LHFPL3: variants seen among roughly 807,000 people sequenced by gnomAD.
The protein encoded by LHFPL3 is LHFPL tetraspan subfamily member 3.
In LHFPL3, 5 loss-of-function variants were observed where a neutral mutation model predicts 19.3. The ratio of observed to expected loss-of-function variants is 0.26; its 90% CI spans 0.14 to 0.54. The LOEUF is 0.54. Among genes scored for constraint, LHFPL3 ranks in the 20% least tolerant of loss-of-function variants. The pLI is 0.94. For synonymous variants in LHFPL3, 133 were observed against 126.2 expected, an observed-to-expected ratio of 1.05 and a Z score of -0.36; for missense variants, 249 against 307.4, an observed-to-expected ratio of 0.81 and a Z score of 1.42.
At chr7:104,430,961 A>G (rs1791991829) in intron 1 of LHFPL3, among the ~76,000 whole-genome samples, 1 of 152,156 alleles carries the variant, frequency 6.6e-6, no homozygotes, top group African/African-American at 2.4e-5. Context: ...TGAAATACAT[A>G]CAGACCAGAT....
At chr7:104,849,319 G>A (rs1791371024) in intron 2 of LHFPL3, among the ~76,000 whole-genome samples, 1 of 152,154 alleles carries the variant, frequency 6.6e-6, no homozygotes, top group African/African-American at 2.4e-5. Flanking sequence ...TTCATGTCTT[G>A]CCATAGAGGA....
chr7:104,748,933 C>T (rs567386574), intron 2 of LHFPL3, among the ~76,000 whole-genome samples: 58 of 152,316 alleles, frequency 3.8e-4, no homozygotes, highest in African/African-American at 1.1e-3. Context: ...TATTTATTTG[C>T]GCTGACTGAA....
At chr7:104,765,571 T>C (rs1794443788) in intron 2 of LHFPL3, among the ~76,000 whole-genome samples, 2 of 152,200 alleles carry the variant, frequency 1.3e-5, no homozygotes, top group African/African-American at 4.8e-5. Context: ...AAGAAAGCCA[T>C]TTCCCAAGAG....
chr7:104,810,676 G>A (rs1353615546), intron 2 of LHFPL3, among the ~76,000 whole-genome samples: 18 of 152,272 alleles, frequency 1.2e-4, no homozygotes, highest in Admixed American at 7.8e-4. Flanking sequence ...ATAAAAGGAG[G>A]TGTTATTAGT....
At chr7:104,866,940 C>T (rs1162413574) in intron 2 of LHFPL3, among the ~76,000 whole-genome samples, 1 of 152,130 alleles carries the variant, frequency 6.6e-6, no homozygotes, top group African/African-American at 2.4e-5. Flanking sequence ...AACTGCTCAA[C>T]TACATGGAAA....
chr7:104,487,382 G>A (rs1793256102), intron 1 of LHFPL3, among the ~76,000 whole-genome samples: 4 of 152,190 alleles, frequency 2.6e-5, no homozygotes, highest in Admixed American at 2.6e-4. Flanking sequence ...GTCTCAAGTG[G>A]CCAGAGCCTA....
At chr7:104,658,456 T>G (rs1792158618) in intron 1 of LHFPL3, among the ~76,000 whole-genome samples, 1 of 152,206 alleles carries the variant, frequency 6.6e-6, no homozygotes, top group Non-Finnish European at 1.5e-5. Context: ...TGCTCAGAAT[T>G]CCTATAGATT....
At chr7:104,390,819 A>G (rs1269162592) in intron 1 of LHFPL3, among the ~76,000 whole-genome samples, 2 of 152,130 alleles carry the variant, frequency 1.3e-5, no homozygotes, top group Non-Finnish European at 2.9e-5. Flanking sequence ...AAGTGTTCCT[A>G]TTTCTCCACA....
rs558037232 is a variant in LHFPL3 at position 104,461,234 on chromosome 7, G to A, written c.445+132010G>A. Among the ~76,000 whole-genome samples the A allele has an allele frequency of 1.5e-4, 23 of 152,296 alleles. 1 individual carries two copies. In the East Asian group the frequency reaches 3.5e-3, roughly 23 times the overall value. On this transcript the variant is annotated intron_variant, in intron 1 of 2. Coordinates refer to ENST00000424859, the MANE Select transcript of LHFPL3 (RefSeq NM_199000.3). ...AGATCTCCTGAGAACTCACTATTAC[G>A]AGAACCGTGTGGGGGAAACTGCCTC...
rs1791262491 is a variant in LHFPL3 at position 104,399,358 on chromosome 7, A to T, written c.445+70134A>T. ...TAAATGTAACTTTACTATTGCTCTG[A>T]TAATTTTTTTCCCATTTATCCTGTA... is the stretch of plus-strand genomic sequence containing the variant. On this transcript the variant is annotated intron_variant, in intron 1 of 2. Transcript: ENST00000424859. The surrounding 1 kb of genome is among the most constrained non-coding windows in gnomAD (Gnocchi z 4.4). 6.6e-6 allele frequency among the ~76,000 whole-genome samples: 1 copy of T among 152,202 alleles called. No homozygotes were observed. The highest frequency in any genetic ancestry group is 1.9e-4 in the East Asian group (1 of 5,188).
At chr7:104,338,968 C>T (rs1294008910) in intron 1 of LHFPL3, among the ~76,000 whole-genome samples, 3 of 152,160 alleles carry the variant, frequency 2.0e-5, no homozygotes, top group Non-Finnish European at 4.4e-5. Context: ...ATAATAATGG[C>T]CGGGCATGGT....
At position 104,899,564 on chromosome 7, in the gene LHFPL3, G is replaced by T. The variant is rs1417113327; in HGVS notation, c.683-6623G>T. ...TAGTCTTTCCCACACAGGAAGGAGA[G>T]GAAGCTTAAAGGAACATGTATGAAG... On this transcript the variant is annotated intron_variant, in intron 2 of 2. Transcript: ENST00000424859. 3.3e-5 allele frequency among the ~76,000 whole-genome samples: 5 copies of T among 152,078 alleles called. 1 individual carries two copies. The highest frequency in any genetic ancestry group is 5.9e-5 in the Non-Finnish European group (4 of 68,026).
intron 1 of LHFPL3, among the ~76,000 whole-genome samples, chr7:104,684,814 T>C (rs1201148916): frequency 6.6e-6 from 1 of 152,176 alleles, no homozygotes; most frequent in East Asian, 1.9e-4. Flanking sequence ...GGTGAGACTT[T>C]GCTAGCTTCC....
At chr7:104,821,452 G>A (rs1166914011) in intron 2 of LHFPL3, among the ~76,000 whole-genome samples, 7 of 152,214 alleles carry the variant, frequency 4.6e-5, no homozygotes, top group African/African-American at 7.2e-5. Context: ...GCTGAGGTAG[G>A]AAGTATTCTC....
intron 1 of LHFPL3, among the ~76,000 whole-genome samples, chr7:104,395,927 G>C (rs951748827): frequency 2.0e-5 from 3 of 152,270 alleles, no homozygotes; most frequent in African/African-American, 7.2e-5. Flanking sequence ...GGTTATAAAT[G>C]ATAGAAATAG....
At chr7:104,835,674 T>A (rs1483776720) in intron 2 of LHFPL3, among the ~76,000 whole-genome samples, 4 of 151,738 alleles carry the variant, frequency 2.6e-5, no homozygotes, top group African/African-American at 7.3e-5. Flanking sequence ...TTTACAAAAA[T>A]TGTATCAAAT....
chr7:104,771,301 T>C (rs1387364031), intron 2 of LHFPL3, among the ~76,000 whole-genome samples: 1 of 152,214 alleles, frequency 6.6e-6, no homozygotes, highest in Non-Finnish European at 1.5e-5. Context: ...ATGTGTTTCA[T>C]TTCATTTCGT....
chr7:104,562,479 T>C (rs1377119243), intron 1 of LHFPL3, among the ~76,000 whole-genome samples: 3 of 152,216 alleles, frequency 2.0e-5, no homozygotes, highest in African/African-American at 7.2e-5. Context: ...TCGCATCGGC[T>C]CCTGAGGCTT....
chr7:104,383,056 T>G (rs555234218), intron 1 of LHFPL3, among the ~76,000 whole-genome samples: 1 of 152,338 alleles, frequency 6.6e-6, no homozygotes, highest in East Asian at 1.9e-4. Context: ...GTCCAGGTAG[T>G]CTATTTCTAC....
Sources: allele counts gnomAD v4.1 joint callset (sites outside exome capture counted in the v4.1 genomes callset), GRCh38; gene constraint gnomAD v4.1.1; non-coding constraint Gnocchi (gnomAD v3.1); transcripts MANE v1.5; gene names NCBI Gene and HGNC (gene_info 2026-07-23, HGNC 2026-07-21).